Variants in PITPNA observed in about 807,000 individuals in gnomAD.
PITPNA encodes phosphatidylinositol transfer protein alpha.
In PITPNA, 13 loss-of-function variants were observed where a neutral mutation model predicts 50.3. That is an observed-to-expected ratio of 0.26 (90% CI 0.17 to 0.41). The LOEUF is 0.41. Among genes scored for constraint, PITPNA ranks in the 10% least tolerant of loss-of-function variants. The probability of loss-of-function intolerance (pLI) is 1.00; values close to 1 mark genes in which losing one functional copy is unlikely to be tolerated. For missense variants in PITPNA, 207 were observed against 333.4 expected, an observed-to-expected ratio of 0.62 and a Z score of 2.95; for synonymous variants, 120 against 119.6, an observed-to-expected ratio of 1.00 and a Z score of -0.02.
chr17:1,559,280 TTTC>T (rs1265629796), intron 1 of PITPNA, among the ~76,000 whole-genome samples: 3 of 152,126 alleles, frequency 2.0e-5, no homozygotes, highest in South Asian at 4.1e-4. Flanking sequence ...AATTTATCAT[TTTC>T]TTTTCTTCTT....
rs1354874235 is a variant in PITPNA, at chr17:1,562,335, C to G, written c.20+206G>C. ...CACGCCCCGGCCGCCCCTCCACGCC[C>G]CGGCCGCCCCTCCGTGCCCCGTGGG... On this transcript the variant is annotated intron_variant, in intron 1 of 11. Coordinates refer to ENST00000313486, the MANE Select transcript of PITPNA (RefSeq NM_006224.4). The surrounding 1 kb of genome is among the most constrained non-coding windows in gnomAD (Gnocchi z 6.4). 2.6e-5 allele frequency among the ~76,000 whole-genome samples: 4 copies of G among 151,492 alleles called. No individual in the cohort carries two copies. The East Asian group carries it at 5.9e-4, about 22-fold the overall frequency.
intron 6 of PITPNA, among the ~76,000 whole-genome samples, 186 bp downstream of exon 6, chr17:1,541,380 G>A (rs935537400): frequency 5.9e-5 from 9 of 151,998 alleles, no homozygotes; most frequent in East Asian, 3.9e-4. Context: ...AAAAAGTTCC[G>A]GAGATCACAT....
chr17:1,554,714 A>C (rs2075726849), intron 2 of PITPNA, among the ~76,000 whole-genome samples: 1 of 152,130 alleles, frequency 6.6e-6, no homozygotes, highest in Admixed American at 6.6e-5. Flanking sequence ...TTTCTGGGCA[A>C]AATCTGGAAA....
chr17:1,547,196 CAAAAAAAAAAA>C (rs758159456), intron 4 of PITPNA, among the ~76,000 whole-genome samples: 5 of 62,966 alleles, frequency 7.9e-5, no homozygotes, highest in African/African-American at 3.5e-4. Flanking sequence ...CCCATCTCTC[CAAAAAAAAAAA>C]AAAAAAAACC....
chr17:1,558,248 A>AAAG (rs1555532556), intron 2 of PITPNA, among the ~76,000 whole-genome samples: 6 of 150,492 alleles, frequency 4.0e-5, no homozygotes, highest in African/African-American at 1.5e-4. Context: ...AAAAAAAAAA[A>AAAG]GGGTCCCCAG....
At chr17:1,554,665 CCTGCTCTACCAGGCAG>C (rs2075726594) in intron 2 of PITPNA, among the ~76,000 whole-genome samples, 1 of 152,134 alleles carries the variant, frequency 6.6e-6, no homozygotes, top group South Asian at 2.1e-4. Context: ...AACTTAGAAA[CCTGCTCTACCAGGCAG>C]CTTCCTAAGC....
At chr17:1,527,476 A>C (rs1188025179) in intron 10 of PITPNA, among the ~76,000 whole-genome samples, 1 of 152,062 alleles carries the variant, frequency 6.6e-6, no homozygotes, top group Non-Finnish European at 1.5e-5. Flanking sequence ...TCCCAAGCTC[A>C]GGTGATCCAC....
intron 2 of PITPNA, 39 bp downstream of exon 2, chr17:1,558,490 G>GT (rs1389735880): frequency 7.0e-6 from 10 of 1,424,252 alleles, no homozygotes; most frequent in Non-Finnish European, 9.9e-6. Context: ...GTCACAAACA[G>GT]TTACACACAA....
At chr17:1,558,192 C>A (rs2075747589) in intron 2 of PITPNA, among the ~76,000 whole-genome samples, 1 of 146,216 alleles carries the variant, frequency 6.8e-6, no homozygotes, top group Non-Finnish European at 1.5e-5. Flanking sequence ...GATCGCACCA[C>A]TGCACTCCAG....
intron 3 of PITPNA, among the ~76,000 whole-genome samples, chr17:1,549,256 G>A (rs903864851): frequency 6.8e-6 from 1 of 146,256 alleles, no homozygotes; most frequent in Admixed American, 6.8e-5. Context: ...TACAGTATAA[G>A]CCCCCTGCTT....
At chr17:1,540,201 A>G (rs1425392102) in intron 6 of PITPNA, among the ~76,000 whole-genome samples, 1 of 151,780 alleles carries the variant, frequency 6.6e-6, no homozygotes, top group Non-Finnish European at 1.5e-5. Flanking sequence ...TAAAGACTGT[A>G]AACCCTTCTA....
chr17:1,523,824 T>A (rs1384916443), intron 10 of PITPNA, among the ~76,000 whole-genome samples: 1 of 151,678 alleles, frequency 6.6e-6, no homozygotes, highest in African/African-American at 2.4e-5. Context: ...GCTGATTTTT[T>A]ATTTTTTCGG....
At chr17:1,541,133 G>T (rs2075645975) in intron 6 of PITPNA, among the ~76,000 whole-genome samples, 1 of 152,058 alleles carries the variant, frequency 6.6e-6, no homozygotes, top group African/African-American at 2.4e-5. Flanking sequence ...CATTGTTTTT[G>T]ATCTTTGGCT....
At chr17:1,526,114 C>T (rs117207508) in intron 10 of PITPNA, among the ~76,000 whole-genome samples, 5,749 of 152,246 alleles carry the variant, frequency 0.038, 178 homozygotes, top group Non-Finnish European at 0.058. Context: ...TGCTTCAAGG[C>T]GACAGCAGTA....
At position 1,548,394 on chromosome 17, in the gene PITPNA, C is replaced by T. The variant is rs777040247; in HGVS notation, c.198-7G>A. On this transcript the variant is annotated splice_polypyrimidine_tract_variant and splice_region_variant and intron_variant, in intron 3 of 11. Transcript: ENST00000313486. ...AACAAACGTGGGTACTTTGCTATAG[C>T]GGGGAAAAAAAGGGGTATAAAGAGA... The T allele has an allele frequency of 1.5e-5, 23 of 1,577,488 alleles. No homozygotes were observed. Among genetic ancestry groups the T allele is most frequent in the Middle Eastern group, 1.7e-4 (1 of 5,978 alleles).
intron 4 of PITPNA, among the ~76,000 whole-genome samples, chr17:1,546,725 C>T (rs1311960171): frequency 1.3e-5 from 2 of 152,174 alleles, no homozygotes; most frequent in Non-Finnish European, 2.9e-5. Flanking sequence ...GCCCTCCCAA[C>T]AGGTCTATTC....
intron 1 of PITPNA, among the ~76,000 whole-genome samples, chr17:1,560,933 A>C (rs1475570664): frequency 1.3e-5 from 2 of 152,128 alleles, no homozygotes; most frequent in Non-Finnish European, 2.9e-5. Context: ...TCTATGTCCT[A>C]AATGTCCTAA....
At chr17:1,530,180 A>C (rs931174635) in intron 10 of PITPNA, among the ~76,000 whole-genome samples, 1 of 152,192 alleles carries the variant, frequency 6.6e-6, no homozygotes, top group African/African-American at 2.4e-5. Context: ...GGAGACAGTG[A>C]GTTCCCCATT....
At chr17:1,530,590 T>G (rs1305349817) in intron 10 of PITPNA, among the ~76,000 whole-genome samples, 1 of 152,230 alleles carries the variant, frequency 6.6e-6, no homozygotes, top group Non-Finnish European at 1.5e-5. Flanking sequence ...GACTATGTAC[T>G]GGCTTAGAGA....
Sources: allele counts gnomAD v4.1 joint callset (sites outside exome capture counted in the v4.1 genomes callset), GRCh38; gene constraint gnomAD v4.1.1; non-coding constraint Gnocchi (gnomAD v3.1); transcripts MANE v1.5; gene names NCBI Gene and HGNC (gene_info 2026-07-23, HGNC 2026-07-21).